USP6NL: variants seen among roughly 807,000 people sequenced by gnomAD.
USP6NL encodes the protein USP6 N-terminal like, also known as USP6 N-terminal-like protein.
A neutral mutation model predicts 61.9 loss-of-function variants in USP6NL; 26 were observed. The ratio of observed to expected loss-of-function variants is 0.42; its 90% CI spans 0.31 to 0.58. The LOEUF is 0.58. Ranked by LOEUF, USP6NL falls within the 20% of genes least tolerant of loss-of-function variation. The pLI, the probability that USP6NL is intolerant of heterozygous loss-of-function variation, is 0.16. For missense variants in USP6NL, 1,114 were observed against 1,034.3 expected, an observed-to-expected ratio of 1.08 and a Z score of -1.06; for synonymous variants, 432 against 390.1, an observed-to-expected ratio of 1.11 and a Z score of -1.27.
intron 2 of USP6NL, among the ~76,000 whole-genome samples, chr10:11,543,344 A>T (rs1433267365): frequency 6.6e-6 from 1 of 152,190 alleles, no homozygotes; most frequent in African/African-American, 2.4e-5. Flanking sequence ...GATCGAGGTC[A>T]TCCTGGCTAA....
Position 11,483,342 on chromosome 10 carries a change from G to T in USP6NL, c.926-1420C>A, listed in dbSNP as rs529041706. Among the ~76,000 whole-genome samples, 8 of 151,396 alleles carry T rather than the reference G, an allele frequency of 5.3e-5. No individual in the cohort carries two copies. In the East Asian group the frequency reaches 1.2e-3, roughly 22 times the overall value. ...AAATTAATCAAGGGTCATATAAGTA[G>T]AACAATTTAAGAAGCAGATGAGAGC... On this transcript the variant is annotated intron_variant, in intron 13 of 14. Transcript: ENST00000609104.
rs1255863616 is a variant in USP6NL, at chr10:11,462,362, A to T, written c.*79T>A. 3 of 1,473,152 alleles carry T rather than the reference A, an allele frequency of 2.0e-6. No homozygotes were observed. The highest frequency in any genetic ancestry group is 2.7e-6 in the Non-Finnish European group (3 of 1,098,270). 91.3% of individuals were successfully genotyped at this position (1,473,152 alleles called of 1,614,324 possible). A position where few individuals can be genotyped will look rare whatever the true frequency, so the allele number is the denominator to read the frequency against. The stretch of plus-strand genomic sequence containing the variant: ...GCGAGTTGTTTACAATAGTATAAAT[A>T]CTGCTTTGGCAATTATGAACATAGC... On this transcript the variant is annotated 3_prime_UTR_variant, in exon 15 of 15. Transcript: ENST00000609104.
chr10:11,523,544 G>A (rs1411524729), intron 4 of USP6NL, among the ~76,000 whole-genome samples: 1 of 152,134 alleles, frequency 6.6e-6, no homozygotes, highest in African/African-American at 2.4e-5. Context: ...ACAAGGGTGT[G>A]TTTAAATGTT....
At chr10:11,471,133 C>T (rs1344997335) in intron 14 of USP6NL, among the ~76,000 whole-genome samples, 1 of 151,966 alleles carries the variant, frequency 6.6e-6, no homozygotes, top group Non-Finnish European at 1.5e-5. Context: ...TGCAGTGAGC[C>T]GAGAACGCCA....
At position 11,463,155 on chromosome 10, in the gene USP6NL, C is replaced by T; in HGVS notation, c.1773G>A (p.Glu591=). 1 of 1,613,924 alleles carries T rather than the reference C, an allele frequency of 6.2e-7. No homozygotes were observed. Among genetic ancestry groups the T allele is most frequent in the Non-Finnish European group, 8.5e-7 (1 of 1,179,888 alleles). The part of the protein sequence containing the change: ...LYPPSPRKHA[E]PSSSPSKVSN... ...ATACTTTTGATGGACTAGAACTTGG[C>T]TCAGCGTGCTTTCTCGGGCTAGGAG... Residue 591 remains glutamate, a synonymous_variant, in exon 15 of 15, where the codon GAG becomes GAA. Transcript: ENST00000609104. This position sits in a 1 kb window ranked among gnomAD's most constrained non-coding sequence, Gnocchi z 6.3.
At chr10:11,590,593 T>G (rs1322765951) in intron 2 of USP6NL, among the ~76,000 whole-genome samples, 2 of 152,016 alleles carry the variant, frequency 1.3e-5, no homozygotes, top group African/African-American at 4.8e-5. Context: ...AGAAATCCAG[T>G]TTTGGAGAAG....
At chr10:11,555,433 A>AAAAT (rs1275798295) in intron 2 of USP6NL, among the ~76,000 whole-genome samples, 1 of 49,030 alleles carries the variant, frequency 2.0e-5, no homozygotes, top group Non-Finnish European at 3.4e-5. Flanking sequence ...AAAAAAAAAA[A>AAAAT]ATATATATAT....
In USP6NL at chr10:11,491,380, T is replaced by C. The variant is rs1416812082; in HGVS notation, c.495-500A>G. Among the ~76,000 whole-genome samples the C allele has an allele frequency of 2.0e-5, 3 of 152,220 alleles. No individual in the cohort carries two copies. Among genetic ancestry groups the C allele is most frequent in the African/African-American group, 7.2e-5 (3 of 41,452 alleles). On this transcript the variant is annotated intron_variant, in intron 8 of 14. Transcript: ENST00000609104. The surrounding 1 kb of genome is among the most constrained non-coding windows in gnomAD (Gnocchi z 4.7). The stretch of plus-strand genomic sequence containing the variant: ...AGGCTGCAAGTAGGAGTGGCTCCAC[T>C]CATCATTCTCTCTAGAGATCCACTA...
Position 11,553,046 on chromosome 10 carries a change from CTACTTA to C in USP6NL, c.5-25485_5-25480del, listed in dbSNP as rs1276479666. On this transcript the variant is annotated intron_variant, in intron 2 of 14. Transcript: ENST00000609104. This position sits in a 1 kb window ranked among gnomAD's most constrained non-coding sequence, Gnocchi z 4.8. ...ACTATGTGTACCCATTGTTTCGCTC[CTACTTA>C]TAAGTGAGAACACTGGCATCATTTT... Among the ~76,000 whole-genome samples the C allele has an allele frequency of 6.6e-6, 1 of 152,166 alleles. No homozygotes were observed. Among genetic ancestry groups the C allele is most frequent in the African/African-American group, 2.4e-5 (1 of 41,436 alleles).
chr10:11,514,713 A>T (rs1373049768), intron 5 of USP6NL, among the ~76,000 whole-genome samples: 2 of 152,214 alleles, frequency 1.3e-5, no homozygotes, highest in Non-Finnish European at 2.9e-5. Context: ...GATTCCCTGT[A>T]GTGGAGAAGA....
At chr10:11,466,625 C>T (rs1832464381) in intron 14 of USP6NL, among the ~76,000 whole-genome samples, 1 of 152,200 alleles carries the variant, frequency 6.6e-6, no homozygotes, top group Non-Finnish European at 1.5e-5. Flanking sequence ...GTTGCTATTA[C>T]TCTATACAGT....
At chr10:11,526,248 A>G (rs1334506048) in intron 3 of USP6NL, among the ~76,000 whole-genome samples, 2 of 152,098 alleles carry the variant, frequency 1.3e-5, no homozygotes, top group Non-Finnish European at 2.9e-5. Context: ...CCCAAATATA[A>G]CTATCTATAT....
rs1833394759 is a variant in USP6NL, at chr10:11,484,986, A to T, written c.910T>A (p.Leu304Ile). 3 of 1,526,894 alleles carry T rather than the reference A, an allele frequency of 2.0e-6. No homozygotes were observed. Among genetic ancestry groups the T allele is most frequent in the Non-Finnish European group, 1.8e-6 (2 of 1,140,360 alleles). The allele number at this position is 1,526,894 out of a possible 1,614,324, so 94.6% of individuals were successfully genotyped here. ...RVLTAMSYTILKLHKKHLMKL... is the reference protein window; with the variant it reads ...RVLTAMSYTIIKLHKKHLMKL... ...ATTTTCTTACTTTTGTGTAATTTTA[A>T]GATGGTGTAAGACATAGCAGTAAGA... is the stretch of plus-strand genomic sequence containing the variant. The change falls in exon 13 of 15, where the codon TTA (leucine) becomes ATA (isoleucine). Residue 304 changes from leucine (L) to isoleucine (I), a missense_variant. Leu to Ile is a conservative substitution (Grantham distance 5). Transcript: ENST00000609104.
intron 2 of USP6NL, among the ~76,000 whole-genome samples, chr10:11,580,070 A>C (rs1156432880): frequency 6.7e-6 from 1 of 149,816 alleles, no homozygotes; most frequent in African/African-American, 2.5e-5. Flanking sequence ...ACATCCTACA[A>C]TTTACGTAAC....
In USP6NL at chr10:11,528,697, A is replaced by G. The variant is rs1002452030; in HGVS notation, c.5-1130T>C. Among the ~76,000 whole-genome samples the G allele has an allele frequency of 6.6e-6, 1 of 152,202 alleles. No individual in the cohort carries two copies. Among genetic ancestry groups the G allele is most frequent in the Non-Finnish European group, 1.5e-5 (1 of 68,030 alleles). On this transcript the variant is annotated intron_variant, in intron 2 of 14. Transcript: ENST00000609104. The surrounding 1 kb of genome is among the most constrained non-coding windows in gnomAD (Gnocchi z 4.6). ...CATGAAAAAGGACTTCCAGTTACCG[A>G]TGGCAGATGGAACATATGCTTTTAC... is the stretch of plus-strand genomic sequence containing the variant.
intron 14 of USP6NL, among the ~76,000 whole-genome samples, chr10:11,479,113 G>T (rs1833084026): frequency 6.6e-6 from 1 of 152,118 alleles, no homozygotes; most frequent in African/African-American, 2.4e-5. Flanking sequence ...GTACCCATAA[G>T]CACTGAAAAC....
intron 4 of USP6NL, among the ~76,000 whole-genome samples, chr10:11,519,698 T>A (rs549512615): frequency 6.0e-4 from 92 of 152,326 alleles, no homozygotes; most frequent in African/African-American, 2.2e-3. Context: ...AGATTATTTT[T>A]TAAATATACA....
chr10:11,466,184 C>T (rs968299974), intron 14 of USP6NL, among the ~76,000 whole-genome samples: 2 of 152,206 alleles, frequency 1.3e-5, no homozygotes, highest in East Asian at 1.9e-4. Context: ...AGACACTCAG[C>T]TATCACTATT....
At chr10:11,503,064 G>C (rs1834279933) in intron 6 of USP6NL, among the ~76,000 whole-genome samples, 1 of 152,138 alleles carries the variant, frequency 6.6e-6, no homozygotes, top group Non-Finnish European at 1.5e-5. Flanking sequence ...ATAGTAAACT[G>C]TGATTTTAAA....
Sources: gnomAD v4.1 joint callset for allele counts (sites outside exome capture counted in the v4.1 genomes callset) on GRCh38, gnomAD v4.1.1 for gene constraint, Gnocchi (gnomAD v3.1) non-coding constraint, MANE v1.5 for transcripts, NCBI Gene and HGNC (gene_info 2026-07-23, HGNC 2026-07-21) for gene names.